The following MYO1D variants were observed in gnomAD, a reference collection of about 807,000 sequenced individuals.
MYO1D encodes unconventional myosin-Id.
MYO1D carries 83 observed loss-of-function variants against 122.0 expected under a neutral mutation model. The observed-to-expected ratio is 0.68, with a 90% CI of 0.57 to 0.82. The LOEUF (loss-of-function observed/expected upper bound fraction) is 0.82. Among genes scored for constraint, MYO1D ranks in the 40% least tolerant of loss-of-function variants. The probability of loss-of-function intolerance (pLI) is 0.00; values close to 1 mark genes in which losing one functional copy is unlikely to be tolerated. For missense variants in MYO1D, 1,157 were observed against 1,269.5 expected (o/e 0.91, Z 1.35); for synonymous variants, 464 against 446.9 (o/e 1.04, Z -0.48).
chr17:32,851,322 G>C (rs1464540510), intron 1 of MYO1D, among the ~76,000 whole-genome samples: 3 of 152,162 alleles, frequency 2.0e-5, no homozygotes, highest in African/African-American at 7.2e-5. Context: ...CTGAAAAAGA[G>C]GGAGCCCCAG....
Position 32,676,812 on chromosome 17 carries a change from GA to G in MYO1D, c.2122-17475del, listed in dbSNP as rs1567943311. On this transcript the variant is annotated intron_variant, in intron 16 of 21. Transcript: ENST00000318217. ...ATACAATGATGTTTTATGAAAAATA[GA>G]ATTTTTTTTTTTTTTGAGACGGAGT... Among the ~76,000 whole-genome samples, 3 of 151,952 alleles carry G rather than the reference GA, an allele frequency of 2.0e-5. No homozygotes were observed. In the East Asian group the frequency reaches 5.8e-4, roughly 29 times the overall value.
rs1014074536 is a variant in MYO1D at position 32,555,865 on chromosome 17, G to C, written c.2864+49222C>G. On this transcript the variant is annotated intron_variant, in intron 21 of 21. Transcript: ENST00000318217. ...GGCCTTTGCACCAACTATTCTTCCT[G>C]ACTGGGTTGGTCTTCACAGTTCCTG... Among the ~76,000 whole-genome samples the C allele has an allele frequency of 3.3e-5, 5 of 152,258 alleles. No individual in the cohort carries two copies. The South Asian group carries it at 1.0e-3, about 32-fold the overall frequency.
chr17:32,817,896 G>A (rs2090625422), intron 1 of MYO1D, among the ~76,000 whole-genome samples: 1 of 151,754 alleles, frequency 6.6e-6, no homozygotes, highest in Admixed American at 6.6e-5. Context: ...GGAGGCCGAG[G>A]CGGGCGGATC....
intron 1 of MYO1D, among the ~76,000 whole-genome samples, chr17:32,796,168 A>C (rs989593807): frequency 6.6e-6 from 1 of 152,078 alleles, no homozygotes; most frequent in Non-Finnish European, 1.5e-5. Context: ...ATTCCTTTTC[A>C]TCCATTCCAT....
rs563320415 is a variant in MYO1D at position 32,501,070 on chromosome 17, A to G, written c.2865-6155T>C. Among the ~76,000 whole-genome samples, 14 of 152,188 alleles carry G rather than the reference A, an allele frequency of 9.2e-5. No homozygotes were observed. The South Asian group carries it at 2.3e-3, about 25-fold the overall frequency. The stretch of plus-strand genomic sequence containing the variant: ...CGGCTCCTCAGAAAGTTAAACATTG[A>G]ACTGCCATATCACCCAGCGATTCCA... On this transcript the variant is annotated intron_variant, in intron 21 of 21. Coordinates refer to ENST00000318217, the MANE Select transcript of MYO1D (RefSeq NM_015194.3).
chr17:32,803,724 C>T (rs2090480922), intron 1 of MYO1D, among the ~76,000 whole-genome samples: 1 of 152,170 alleles, frequency 6.6e-6, no homozygotes, highest in Admixed American at 6.5e-5. Context: ...ATCCTGCAGT[C>T]AATTCTCTTG....
At chr17:32,524,622 G>GA (rs1567877029) in intron 21 of MYO1D, among the ~76,000 whole-genome samples, 3 of 147,796 alleles carry the variant, frequency 2.0e-5, no homozygotes, top group Non-Finnish European at 4.5e-5. Context: ...GGAGTGCAGT[G>GA]GCATGATCTC....
chr17:32,659,020 T>C, intron 17 of MYO1D, 95 bp downstream of exon 17: 1 of 1,176,032 alleles, frequency 8.5e-7, no homozygotes, highest in Non-Finnish European at 1.2e-6. Context: ...TAACAGCAAA[T>C]AGCTGAGTCA....
intron 1 of MYO1D, among the ~76,000 whole-genome samples, chr17:32,833,205 G>A (rs2090788812): frequency 6.6e-6 from 1 of 152,142 alleles, no homozygotes; most frequent in South Asian, 2.1e-4. Context: ...TATACCCCAT[G>A]TCTCATCTGT....
intron 13 of MYO1D, among the ~76,000 whole-genome samples, chr17:32,742,378 A>G (rs1879774144): frequency 6.6e-6 from 1 of 152,228 alleles, no homozygotes. Flanking sequence ...ATAAATCCAC[A>G]TGCTGTTTGG....
intron 21 of MYO1D, among the ~76,000 whole-genome samples, chr17:32,501,572 T>A (rs1160445651): frequency 6.6e-6 from 1 of 151,504 alleles, no homozygotes; most frequent in Non-Finnish European, 1.5e-5. Context: ...GCCAATGGAG[T>A]CTCCATAAAA....
At chr17:32,687,865 G>A (rs2089040522) in intron 16 of MYO1D, among the ~76,000 whole-genome samples, 1 of 152,106 alleles carries the variant, frequency 6.6e-6, no homozygotes, top group Non-Finnish European at 1.5e-5. Context: ...AGACTACTGG[G>A]TACAGGGCAT....
intron 21 of MYO1D, among the ~76,000 whole-genome samples, chr17:32,598,908 A>C (rs1301358173): frequency 6.6e-6 from 1 of 152,216 alleles, no homozygotes; most frequent in Non-Finnish European, 1.5e-5. Context: ...AAAATGCTAA[A>C]AATACTAATG....
At chr17:32,822,448 C>G (rs920296685) in intron 1 of MYO1D, among the ~76,000 whole-genome samples, 9 of 150,900 alleles carry the variant, frequency 6.0e-5, no homozygotes, top group African/African-American at 2.2e-4. Context: ...CCCGGCCTCT[C>G]CCGCCGACCA....
chr17:32,809,785 C>T (rs140768116), intron 1 of MYO1D, among the ~76,000 whole-genome samples: 19 of 152,300 alleles, frequency 1.2e-4, no homozygotes, highest in African/African-American at 4.6e-4. Context: ...AGTTTCTGTG[C>T]TCAGCAATAA....
intron 19 of MYO1D, among the ~76,000 whole-genome samples, chr17:32,640,611 T>A (rs1430926555): frequency 6.7e-6 from 1 of 150,322 alleles, no homozygotes; most frequent in Non-Finnish European, 1.5e-5. Flanking sequence ...TTACTGAGAA[T>A]GATGATTTCC....
intron 12 of MYO1D, 36 bp downstream of exon 12, chr17:32,748,900 T>C (rs1349062085): frequency 6.4e-7 from 1 of 1,555,466 alleles, no homozygotes; most frequent in Non-Finnish European, 8.8e-7. Context: ...TGAGGCGGCA[T>C]GCAAATCATG....
intron 1 of MYO1D, among the ~76,000 whole-genome samples, chr17:32,854,853 C>G (rs2091015302): frequency 6.6e-6 from 1 of 152,166 alleles, no homozygotes; most frequent in Non-Finnish European, 1.5e-5. Flanking sequence ...GTAGAGTTTC[C>G]TGGAATGAGG....
intron 1 of MYO1D, among the ~76,000 whole-genome samples, chr17:32,831,416 G>A (rs1010231803): frequency 3.9e-5 from 6 of 152,162 alleles, no homozygotes; most frequent in African/African-American, 1.4e-4. Flanking sequence ...TTTCACTTTT[G>A]TTCTCACTAA....
Sources: gnomAD v4.1 joint callset for allele counts (sites outside exome capture counted in the v4.1 genomes callset) on GRCh38, gnomAD v4.1.1 for gene constraint, MANE v1.5 for transcripts, NCBI Gene and HGNC (gene_info 2026-07-23, HGNC 2026-07-21) for gene names.